Variants in HLTF observed in about 807,000 individuals in gnomAD.
HLTF encodes helicase like transcription factor, also known as DNA-dependent ATPase/E3 ubiquitin-protein ligase HLTF.
A neutral mutation model predicts 129.4 loss-of-function variants in HLTF; 127 were observed. The ratio of observed to expected loss-of-function variants is 0.98; its 90% confidence interval spans 0.85 to 1.14. The LOEUF (loss-of-function observed/expected upper bound fraction) is 1.14. Among genes scored for constraint, HLTF ranks in the 50% most tolerant of loss-of-function variants. The pLI is 0.00. For synonymous variants in HLTF, 332 were observed against 388.8 expected (o/e 0.85, Z 1.72); for missense variants, 1,139 against 1,187.1 (o/e 0.96, Z 0.60).
At chr3:149,062,072 TAAGTA>T (rs1303353615) in intron 10 of HLTF, among the ~76,000 whole-genome samples, 2 of 152,328 alleles carry the variant, frequency 1.3e-5, no homozygotes, top group East Asian at 3.9e-4. Flanking sequence ...TATGTGATTT[TAAGTA>T]AATTACCTAA....
chr3:149,039,500 TA>T, intron 22 of HLTF, 80 bp downstream of exon 22: 1 of 739,194 alleles, frequency 1.4e-6, no homozygotes, highest in Non-Finnish European at 2.1e-6. Context: ...CAAAACAAAT[TA>T]AGTTTTTTTT....
Position 149,032,304 on chromosome 3 carries a change from T to G in HLTF, c.2946A>C (p.Ala982=). The G allele has an allele frequency of 1.2e-6, 2 of 1,601,034 alleles. No homozygotes were observed. Among genetic ancestry groups the G allele is most frequent in the Non-Finnish European group, 1.7e-6 (2 of 1,173,420 alleles). ...KIQNKKRELA[A]GAFGTKKPNA... is the part of the protein sequence containing the mutation. ...TTGGTTTTTTAGTTCCAAAGGCTCC[T>G]GCTGCAAGTTCTCTCTTTTTGTTTT... Residue 982 remains alanine, a synonymous_variant, in exon 25 of 25, where the codon GCA becomes GCC. Transcript: ENST00000310053.
Position 149,063,458 on chromosome 3 carries a change from G to A in HLTF, c.1133C>T (p.Ser378Leu). 6.2e-7 allele frequency: 1 copy of A among 1,607,438 alleles called. No individual in the cohort carries two copies. The highest frequency in any genetic ancestry group is 1.7e-4 in the Middle Eastern group (1 of 6,058). Residue 378 changes from serine (S) to leucine (L), a missense_variant, in exon 10 of 25, where the codon TCA becomes TTA. Coordinates refer to ENST00000310053, the MANE Select transcript of HLTF (RefSeq NM_003071.4). ...TTTGGGGCGGGAGCTAGACAATTCTGACATGCGAAACTTACTCTTCTCCTT... is the reference window on the plus strand; with the variant it reads ...TTTGGGGCGGGAGCTAGACAATTCTAACATGCGAAACTTACTCTTCTCCTT... The part of the protein sequence containing the change: ...DIKEKSKFRM[S>L]ELSSSRPKRR...
At chr3:149,067,594 C>T (rs1358092607) in intron 8 of HLTF, among the ~76,000 whole-genome samples, 1 of 151,962 alleles carries the variant, frequency 6.6e-6, no homozygotes, top group Non-Finnish European at 1.5e-5. Flanking sequence ...GCTCAAACTC[C>T]TGGGCTCCAG....
At chr3:149,062,900 C>T (rs146619202) in intron 10 of HLTF, among the ~76,000 whole-genome samples, 174 of 152,224 alleles carry the variant, frequency 1.1e-3, no homozygotes, top group African/African-American at 4.0e-3. Context: ...TTAAAATTTA[C>T]CAATTCATTT....
chr3:149,055,278 A>G (rs1295174216), intron 14 of HLTF, 25 bp downstream of exon 14: 1 of 1,505,028 alleles, frequency 6.6e-7, no homozygotes, highest in African/African-American at 1.4e-5. Flanking sequence ...ATTATGTTAC[A>G]TTTTTAAAGG....
At chr3:149,072,872 G>GC (rs1718994233) in intron 5 of HLTF, among the ~76,000 whole-genome samples, 1 of 152,032 alleles carries the variant, frequency 6.6e-6, no homozygotes, top group Admixed American at 6.6e-5. Flanking sequence ...CTTTAGCACT[G>GC]CATTTGCAAA....
intron 2 of HLTF, among the ~76,000 whole-genome samples, chr3:149,081,818 A>G (rs953857443): frequency 2.6e-5 from 4 of 152,186 alleles, no homozygotes; most frequent in Non-Finnish European, 5.9e-5. Context: ...AGTAACTAGA[A>G]CCAAGGCATA....
At chr3:149,074,145 G>A (rs933379619) in intron 4 of HLTF, 70 bp downstream of exon 4, 4 of 1,459,642 alleles carry the variant, frequency 2.7e-6, no homozygotes, top group Non-Finnish European at 2.8e-6. Flanking sequence ...AACTCCAAGA[G>A]AGAATAAATG....
rs1553735367 is a variant in HLTF, at chr3:149,031,772, T to TATAGTCTGTATATATTGTTTACA, written c.*425_*447dup. Reference sequence around the variant, plus strand: ...GAAAGCCCAATAAAATTAATTCTTGTATAGTCTGTATATATTGTTTACAAG... The same window carrying TATAGTCTGTATATATTGTTTACA: ...GAAAGCCCAATAAAATTAATTCTTGTATAGTCTGTATATATTGTTTACAATAGTCTGTATATATTGTTTACAAG... On this transcript the variant is annotated 3_prime_UTR_variant, in exon 25 of 25. Transcript: ENST00000310053. 1 of 152,372 alleles carries TATAGTCTGTATATATTGTTTACA rather than the reference T, an allele frequency of 6.6e-6. No individual in the cohort carries two copies. Among genetic ancestry groups the TATAGTCTGTATATATTGTTTACA allele is most frequent in the East Asian group, 1.9e-4 (1 of 5,192 alleles). 9.4% of individuals were successfully genotyped at this position (152,372 alleles called of 1,614,324 possible).
At chr3:149,079,442 T>C (rs1241361158) in intron 2 of HLTF, among the ~76,000 whole-genome samples, 1 of 102,654 alleles carries the variant, frequency 9.7e-6, no homozygotes, top group South Asian at 3.1e-4. Context: ...TTTTTAAGTA[T>C]AATTTTTTGT....
intron 7 of HLTF, among the ~76,000 whole-genome samples, chr3:149,069,369 G>A (rs1482320693): frequency 6.6e-6 from 1 of 151,590 alleles, no homozygotes; most frequent in Admixed American, 6.6e-5. Flanking sequence ...TACTTGGGAG[G>A]CTAAGGAAGG....
chr3:149,032,457 CTAA>C, intron 24 of HLTF, 85 bp from the exon 25 acceptor site: 1 of 855,106 alleles, frequency 1.2e-6, no homozygotes, highest in South Asian at 2.2e-5. Flanking sequence ...AAAGATTTGC[CTAA>C]TGGCAAAAAC....
In HLTF at chr3:149,071,393, C is replaced by T. The variant is rs1432417346; in HGVS notation, c.753G>A (p.Met251Ile). ...GTTCTTTGCTATTTTCCCGTGACAC[C>T]ATCCAAGCTAGAGCTTGTTTTTGAT... ...LPHQKQALAW[M>I]VSRENSKELP... The change falls in exon 7 of 25, where the codon ATG (methionine) becomes ATA (isoleucine). Residue 251 changes from methionine (M) to isoleucine (I), a missense_variant. Physicochemically the swap from Met to Ile is conservative, Grantham distance 10 (BLOSUM62 1). Coordinates refer to ENST00000310053, the MANE Select transcript of HLTF (RefSeq NM_003071.4). The T allele has an allele frequency of 1.9e-6, 3 of 1,613,728 alleles. No homozygotes were observed. The highest frequency in any genetic ancestry group is 2.5e-6 in the Non-Finnish European group (3 of 1,179,832).
Position 149,032,147 on chromosome 3 carries a change from C to G in HLTF, c.*73G>C. On this transcript the variant is annotated 3_prime_UTR_variant, in exon 25 of 25. Transcript: ENST00000310053. ...AAGACGTGTTCTCTAGATCTCATTT[C>G]TAAAACTCTGTATTTTTCTCATTTC... 1.7e-6 allele frequency: 2 copies of G among 1,199,744 alleles called. No individual in the cohort carries two copies. Among genetic ancestry groups the G allele is most frequent in the Non-Finnish European group, 2.3e-6 (2 of 870,020 alleles). The allele number at this position is 1,199,744 out of a possible 1,614,324, so 74.3% of individuals were successfully genotyped here.
At chr3:149,035,349 T>G (rs1170517974) in intron 23 of HLTF, among the ~76,000 whole-genome samples, 2 of 152,078 alleles carry the variant, frequency 1.3e-5, no homozygotes, top group Non-Finnish European at 2.9e-5. Flanking sequence ...CTTAAATGAC[T>G]TAATTTATAT....
At chr3:149,060,742 T>C (rs557634438) in intron 11 of HLTF, 37 bp downstream of exon 11, 34 of 1,602,100 alleles carry the variant, frequency 2.1e-5, no homozygotes, top group Non-Finnish European at 2.8e-5. Context: ...CATTAGAATA[T>C]AGGACACATT....
chr3:149,080,152 C>T (rs1433397360), intron 2 of HLTF, among the ~76,000 whole-genome samples: 1 of 151,996 alleles, frequency 6.6e-6, no homozygotes, highest in Non-Finnish European at 1.5e-5. Context: ...TCCATATACA[C>T]AGGAAGAAGA....
At chr3:149,082,959 A>G (rs1260528849) in intron 2 of HLTF, among the ~76,000 whole-genome samples, 1 of 152,230 alleles carries the variant, frequency 6.6e-6, no homozygotes, top group East Asian at 1.9e-4. Flanking sequence ...CCATTTAAAA[A>G]TAATGAACGT....
Sources: gnomAD v4.1 joint callset for allele counts (sites outside exome capture counted in the v4.1 genomes callset) on GRCh38, gnomAD v4.1.1 for gene constraint, MANE v1.5 for transcripts, NCBI Gene and HGNC (gene_info 2026-07-23, HGNC 2026-07-21) for gene names.